RGS6: variants seen among roughly 807,000 people sequenced by gnomAD.
RGS6 encodes the protein regulator of G protein signaling 6, also known as regulator of G-protein signaling 6.
In RGS6, 30 loss-of-function variants were observed where a neutral mutation model predicts 78.5. The ratio of observed to expected loss-of-function variants is 0.38; its 90% confidence interval spans 0.29 to 0.52. The LOEUF (loss-of-function observed/expected upper bound fraction) is 0.52, where lower values mean the gene tolerates loss of function less well. RGS6 is among the 20% of genes least tolerant of loss of function. The pLI is 0.85. For synonymous variants in RGS6, 206 were observed against 206.0 expected (o/e 1.00, Z 0.00); for missense variants, 495 against 609.7 (o/e 0.81, Z 1.98).
intron 14 of RGS6, among the ~76,000 whole-genome samples, chr14:72,514,986 C>T (rs1203886628): frequency 2.6e-5 from 4 of 152,152 alleles, no homozygotes; most frequent in Non-Finnish European, 5.9e-5. Flanking sequence ...CGAAGATGGC[C>T]AACACTAACC....
chr14:72,267,667 T>A (rs2059285287), intron 2 of RGS6, among the ~76,000 whole-genome samples: 1 of 152,122 alleles, frequency 6.6e-6, no homozygotes, highest in South Asian at 2.1e-4. Context: ...ACAAATATAT[T>A]TTTTGCCATT....
At chr14:72,395,831 C>T (rs2091120466) in intron 3 of RGS6, among the ~76,000 whole-genome samples, 1 of 152,070 alleles carries the variant, frequency 6.6e-6, no homozygotes, top group South Asian at 2.1e-4. Context: ...TGGTTTCCAG[C>T]TTCATCCATG....
chr14:72,206,849 A>G (rs1055164845), intron 2 of RGS6, among the ~76,000 whole-genome samples: 2 of 5,012 alleles, frequency 4.0e-4, no homozygotes, highest in Non-Finnish European at 5.8e-4. Context: ...AAACCATGTC[A>G]TATATGTATA....
chr14:72,344,460 G>T (rs533653977), intron 2 of RGS6, among the ~76,000 whole-genome samples: 1 of 152,072 alleles, frequency 6.6e-6, no homozygotes, highest in African/African-American at 2.4e-5. Flanking sequence ...GAATCCATTC[G>T]CAAAGCAAAA....
chr14:72,107,736 C>T (rs1412293051), intron 2 of RGS6, among the ~76,000 whole-genome samples: 1 of 152,112 alleles, frequency 6.6e-6, no homozygotes, highest in South Asian at 2.1e-4. Context: ...TTAACGTCTT[C>T]TGTATGGCAT....
chr14:72,537,538 A>T (rs1470479657), intron 16 of RGS6: 1 of 702,228 alleles, frequency 1.4e-6, no homozygotes, highest in Non-Finnish European at 2.6e-6. Flanking sequence ...TGTGATGGGC[A>T]GTGTGGAGCC....
intron 15 of RGS6, 151 bp from the exon 16 acceptor site, chr14:72,536,035 G>T: frequency 1.6e-6 from 1 of 622,276 alleles, no homozygotes; most frequent in Non-Finnish European, 2.9e-6. Context: ...GGGGTGTGGG[G>T]ATGGAACATG....
chr14:72,269,340 A>G (rs2059566665), intron 2 of RGS6, among the ~76,000 whole-genome samples: 1 of 152,164 alleles, frequency 6.6e-6, no homozygotes, highest in Non-Finnish European at 1.5e-5. Context: ...GGAAGTCCTT[A>G]GAGTACTGCA....
chr14:72,050,813 T>G (rs1471927961), intron 2 of RGS6, among the ~76,000 whole-genome samples: 1 of 152,188 alleles, frequency 6.6e-6, no homozygotes, highest in Non-Finnish European at 1.5e-5. Flanking sequence ...GGGCTGACTT[T>G]GCGCATATGC....
intron 2 of RGS6, among the ~76,000 whole-genome samples, chr14:72,195,089 TCA>T (rs1388690137): frequency 6.6e-6 from 1 of 151,842 alleles, no homozygotes; most frequent in Non-Finnish European, 1.5e-5. Flanking sequence ...ACACCTGTAA[TCA>T]CAGTTACTCA....
At chr14:71,987,821 C>A (rs1209444328) in intron 2 of RGS6, among the ~76,000 whole-genome samples, 1 of 152,186 alleles carries the variant, frequency 6.6e-6, no homozygotes, top group African/African-American at 2.4e-5. Context: ...CATGCTTGAA[C>A]TATATTTTAA....
the RGS6 span, among the ~76,000 whole-genome samples, chr14:72,586,369 T>A: frequency 3.3e-5 from 5 of 152,190 alleles, no homozygotes; most frequent in African/African-American, 1.2e-4. Flanking sequence ...AACTGGTTGC[T>A]GAAAAATGCT....
intron 2 of RGS6, among the ~76,000 whole-genome samples, chr14:72,336,178 A>G (rs747692584): frequency 6.6e-6 from 1 of 152,208 alleles, no homozygotes; most frequent in African/African-American, 2.4e-5. Flanking sequence ...TGTTCTAACT[A>G]TATATCTATG....
chr14:72,160,393 G>A (rs975203402), intron 2 of RGS6, among the ~76,000 whole-genome samples: 6 of 152,120 alleles, frequency 3.9e-5, no homozygotes, highest in African/African-American at 9.7e-5. Flanking sequence ...TGATTCACAC[G>A]TGATCTTTGT....
At chr14:72,622,155 T>G in the RGS6 span, among the ~76,000 whole-genome samples, 1 of 152,180 alleles carries the variant, frequency 6.6e-6, no homozygotes, top group African/African-American at 2.4e-5. Context: ...TAGGTAGAAA[T>G]GTACATTTTT....
intron 16 of RGS6, among the ~76,000 whole-genome samples, chr14:72,537,873 CAAAG>C (rs2097271288): frequency 6.6e-6 from 1 of 152,128 alleles, no homozygotes; most frequent in Non-Finnish European, 1.5e-5. Context: ...GGTTTGAACA[CAAAG>C]GAAAAATGCA....
At chr14:72,314,925 C>A (rs2069674924) in intron 2 of RGS6, among the ~76,000 whole-genome samples, 3 of 152,172 alleles carry the variant, frequency 2.0e-5, no homozygotes, top group Admixed American at 2.0e-4. Context: ...CTCACTGTAG[C>A]GCATTTAGAA....
intron 2 of RGS6, among the ~76,000 whole-genome samples, chr14:72,303,158 A>G (rs2066488395): frequency 6.6e-6 from 1 of 152,094 alleles, no homozygotes; most frequent in Non-Finnish European, 1.5e-5. Context: ...TTTTTTTGTT[A>G]TTTGCCCTTG....
At chr14:72,327,462 T>A (rs2090737) in intron 2 of RGS6, among the ~76,000 whole-genome samples, 93,432 of 152,152 alleles carry the variant, frequency 0.61, 31,383 homozygotes, top group African/African-American at 0.9. Context: ...TAAGGTGCAT[T>A]ATTGTGCTTT....
Sources: allele counts gnomAD v4.1 joint callset (sites outside exome capture counted in the v4.1 genomes callset), GRCh38; gene constraint gnomAD v4.1.1; transcripts MANE v1.5; gene names NCBI Gene and HGNC (gene_info 2026-07-23, HGNC 2026-07-21).